The following SZRD1 variants were observed in gnomAD, a reference collection of about 807,000 sequenced individuals.
The protein encoded by SZRD1 is SUZ RNA binding domain containing 1, also known as SUZ RNA-binding domain-containing.
SZRD1 carries 7 observed loss-of-function variants against 17.6 expected under a neutral mutation model. The ratio of observed to expected loss-of-function variants is 0.40; its 90% CI spans 0.23 to 0.75. The LOEUF (loss-of-function observed/expected upper bound fraction) is 0.75. SZRD1 is among the 30% of genes least tolerant of loss of function. The pLI, the probability that SZRD1 is intolerant of heterozygous loss-of-function variation, is 0.38. For synonymous variants in SZRD1, 77 were observed against 77.9 expected (o/e 0.99, Z 0.06); for missense variants, 178 against 201.8 (o/e 0.88, Z 0.71).
chr1:16,377,855 G>T (rs2083030423), intron 1 of SZRD1, among the ~76,000 whole-genome samples: 1 of 152,136 alleles, frequency 6.6e-6, no homozygotes, highest in Admixed American at 6.6e-5. Context: ...ATTGTTCCCG[G>T]CTCTCCAGCC....
At chr1:16,369,308 C>T (rs142197558) in intron 1 of SZRD1, 9 of 694,972 alleles carry the variant, frequency 1.3e-5, no homozygotes, top group Admixed American at 2.2e-5. Context: ...AAAGGCACCT[C>T]GGATGTCACG....
chr1:16,384,596 C>G (rs961240799), intron 1 of SZRD1, among the ~76,000 whole-genome samples: 6 of 152,158 alleles, frequency 3.9e-5, no homozygotes, highest in Non-Finnish European at 5.9e-5. Context: ...ACTGGTCCAC[C>G]AGGAGACCCT....
chr1:16,388,158 G>A (rs1280642047), intron 1 of SZRD1, among the ~76,000 whole-genome samples: 1 of 152,156 alleles, frequency 6.6e-6, no homozygotes, highest in African/African-American at 2.4e-5. Flanking sequence ...CTATTGCCCA[G>A]GCAGGAGTGC....
In SZRD1 at chr1:16,394,653, A is replaced by G. The variant is rs563709816; in HGVS notation, c.357-385A>G. Among the ~76,000 whole-genome samples the G allele has an allele frequency of 3.9e-5, 6 of 152,300 alleles. No individual in the cohort carries two copies. In the South Asian group the frequency reaches 6.2e-4, roughly 16 times the overall value. ...GCCAGAGTGACGTGGGCCCAGCTAT[A>G]TGGACAGTTGATTTTAAGATGGGGG... On this transcript the variant is annotated intron_variant, in intron 3 of 3. Coordinates refer to ENST00000401088, the MANE Select transcript of SZRD1 (RefSeq NM_001114600.3).
intron 1 of SZRD1, among the ~76,000 whole-genome samples, chr1:16,385,805 A>G (rs773045266): frequency 7.2e-5 from 11 of 152,166 alleles, no homozygotes; most frequent in Non-Finnish European, 1.5e-4. Flanking sequence ...GCAGCCAGTG[A>G]AGCTGAGCTT....
intron 1 of SZRD1, among the ~76,000 whole-genome samples, chr1:16,378,547 C>A (rs1002947992): frequency 6.6e-6 from 1 of 152,046 alleles, no homozygotes; most frequent in African/African-American, 2.4e-5. Context: ...ATCGGCCTCG[C>A]AAAGTGTTGG....
At chr1:16,370,491 T>A (rs552358722) in intron 1 of SZRD1, among the ~76,000 whole-genome samples, 45 of 151,928 alleles carry the variant, frequency 3.0e-4, no homozygotes, top group African/African-American at 9.2e-4. Flanking sequence ...GCTCCCAAAG[T>A]GCTGGGATTA....
chr1:16,371,996 T>A (rs748482774), intron 1 of SZRD1, among the ~76,000 whole-genome samples: 2 of 152,230 alleles, frequency 1.3e-5, no homozygotes, highest in Non-Finnish European at 2.9e-5. Flanking sequence ...CCTGTATAGC[T>A]TCCGAATTCT....
At chr1:16,390,358 A>G (rs753812672) in intron 1 of SZRD1, among the ~76,000 whole-genome samples, 11 of 152,208 alleles carry the variant, frequency 7.2e-5, no homozygotes, top group Non-Finnish European at 1.2e-4. Flanking sequence ...CATGAGCCCA[A>G]TGTCCTGCTC....
At chr1:16,381,789 G>A (rs900271405) in intron 1 of SZRD1, among the ~76,000 whole-genome samples, 2 of 150,902 alleles carry the variant, frequency 1.3e-5, no homozygotes, top group African/African-American at 2.4e-5. Context: ...AAAATTAGCC[G>A]GGTGTGGTGG....
At chr1:16,375,673 A>G (rs1405012347) in intron 1 of SZRD1, among the ~76,000 whole-genome samples, 1 of 152,188 alleles carries the variant, frequency 6.6e-6, no homozygotes, top group Non-Finnish European at 1.5e-5. Context: ...ACAGTAAGCC[A>G]GCCCCTCCCC....
At chr1:16,387,421 T>C in intron 1 of SZRD1, 1 of 448,512 alleles carries the variant, frequency 2.2e-6, no homozygotes, top group Non-Finnish European at 4.5e-6. Flanking sequence ...CGCAGCGATA[T>C]GAAAGTGAAA....
rs1318604396 is a variant in SZRD1 at position 16,397,437 on chromosome 1, G to A, written c.*2297G>A. On this transcript the variant is annotated 3_prime_UTR_variant, in exon 4 of 4. Transcript: ENST00000401088. The surrounding 1 kb of genome is among the most constrained non-coding windows in gnomAD (Gnocchi z 5.4). ...TGTGTGTGGGAGGGTATTTTTTGGGGGTAGTTGTCTGTAACTTTCCTAAGT... is the reference window on the plus strand; with the variant it reads ...TGTGTGTGGGAGGGTATTTTTTGGGAGTAGTTGTCTGTAACTTTCCTAAGT... The A allele has an allele frequency of 6.6e-6, 1 of 152,236 alleles. No individual in the cohort carries two copies. The highest frequency in any genetic ancestry group is 6.5e-5 in the Admixed American group (1 of 15,288). The allele number at this position is 152,236 out of a possible 1,614,324, so 9.4% of individuals were successfully genotyped here.
rs2085217072 is a variant in SZRD1 at position 16,391,261 on chromosome 1, C to A, written c.52-114C>A. On this transcript the variant is annotated intron_variant, in intron 1 of 3. Coordinates refer to ENST00000401088, the MANE Select transcript of SZRD1 (RefSeq NM_001114600.3). The surrounding 1 kb of genome is among the most constrained non-coding windows in gnomAD (Gnocchi z 4.3). Reference sequence around the variant, plus strand: ...AGTCCACATTTGTTATGTTGAAGGACACAGTCATGTCCCTGGCTAGAGAAA... The same window carrying A: ...AGTCCACATTTGTTATGTTGAAGGAAACAGTCATGTCCCTGGCTAGAGAAA... 1.3e-6 allele frequency: 1 copy of A among 767,900 alleles called. No individual in the cohort carries two copies. The highest frequency in any genetic ancestry group is 2.2e-6 in the Non-Finnish European group (1 of 464,306). The allele number at this position is 767,900 out of a possible 1,614,324, so 47.6% of individuals were successfully genotyped here.
Position 16,391,545 on chromosome 1 carries a change from G to A in SZRD1, c.101+121G>A. The A allele has an allele frequency of 4.8e-6, 4 of 827,424 alleles. No homozygotes were observed. Among genetic ancestry groups the A allele is most frequent in the Non-Finnish European group, 5.8e-6 (3 of 519,848 alleles). The allele number at this position is 827,424 out of a possible 1,614,324, so 51.3% of individuals were successfully genotyped here. A position where few individuals can be genotyped will look rare whatever the true frequency, so the allele number is the denominator to read the frequency against. Reference sequence around the variant, plus strand: ...TCCTAGCAGGTCAGGCTCTGGGGCAGCAAACCCTTCCCTCCAAATTGGAGA... The same window carrying A: ...TCCTAGCAGGTCAGGCTCTGGGGCAACAAACCCTTCCCTCCAAATTGGAGA... On this transcript the variant is annotated intron_variant, in intron 2 of 3. Transcript: ENST00000401088. The surrounding 1 kb of genome is among the most constrained non-coding windows in gnomAD (Gnocchi z 4.3).
At chr1:16,385,470 T>C (rs910337873) in intron 1 of SZRD1, among the ~76,000 whole-genome samples, 3 of 152,238 alleles carry the variant, frequency 2.0e-5, no homozygotes, top group Non-Finnish European at 2.9e-5. Flanking sequence ...ATGGTGCTTA[T>C]ACTTGCTGTG....
chr1:16,379,318 CAT>C (rs1408898816), intron 1 of SZRD1, among the ~76,000 whole-genome samples: 1 of 151,516 alleles, frequency 6.6e-6, no homozygotes, highest in African/African-American at 2.4e-5. Context: ...GGGGTTTTAC[CAT>C]GTTAGCCAGA....
chr1:16,368,613 A>G (rs922267568), intron 1 of SZRD1, among the ~76,000 whole-genome samples: 3 of 152,212 alleles, frequency 2.0e-5, no homozygotes, highest in Non-Finnish European at 4.4e-5. Context: ...TAAAGATTTT[A>G]TAGGGAGTAA....
chr1:16,388,256 C>T (rs929823064), intron 1 of SZRD1, among the ~76,000 whole-genome samples: 3 of 152,008 alleles, frequency 2.0e-5, no homozygotes, highest in African/African-American at 4.8e-5. Context: ...TGGGATACCA[C>T]GCCCAGCTAA....
Sources: gnomAD v4.1 joint callset for allele counts (sites outside exome capture counted in the v4.1 genomes callset) on GRCh38, gnomAD v4.1.1 for gene constraint, Gnocchi (gnomAD v3.1) non-coding constraint, MANE v1.5 for transcripts, NCBI Gene and HGNC (gene_info 2026-07-23, HGNC 2026-07-21) for gene names.